Variants in KIF18A observed in about 807,000 individuals in gnomAD.
KIF18A encodes the protein kinesin family member 18A, also known as kinesin-like protein KIF18A.
KIF18A carries 67 observed loss-of-function variants against 103.3 expected under a neutral mutation model. That is an observed-to-expected ratio of 0.65 (90% confidence interval 0.53 to 0.79). The LOEUF is 0.79. Ranked by LOEUF, KIF18A falls within the 30% of genes least tolerant of loss-of-function variation. The pLI, the probability that KIF18A is intolerant of heterozygous loss-of-function variation, is 0.00. For synonymous variants in KIF18A, 367 were observed against 355.5 expected (o/e 1.03, Z -0.36); for missense variants, 1,032 against 1,062.5 (o/e 0.97, Z 0.40).
Position 28,084,816 on chromosome 11 carries a change from C to G in KIF18A, c.898-8G>C. 1.2e-6 allele frequency: 2 copies of G among 1,600,870 alleles called. No homozygotes were observed. The highest frequency in any genetic ancestry group is 1.7e-6 in the Non-Finnish European group (2 of 1,172,940). On this transcript the variant is annotated splice_region_variant and splice_polypyrimidine_tract_variant and intron_variant, in intron 6 of 16. Coordinates refer to ENST00000263181, the MANE Select transcript of KIF18A (RefSeq NM_031217.4). ...GATATGCTGATTCTTTCTCTGAAAGCACAAAAAAGAGATCTTATGTCATTT... is the reference window on the plus strand; with the variant it reads ...GATATGCTGATTCTTTCTCTGAAAGGACAAAAAAGAGATCTTATGTCATTT...
chr11:28,055,638 A>AT (rs1850771029), intron 13 of KIF18A, among the ~76,000 whole-genome samples: 1 of 152,152 alleles, frequency 6.6e-6, no homozygotes, highest in Admixed American at 6.5e-5. Context: ...TTAGTATCAA[A>AT]TTACCTCAGT....
intron 3 of KIF18A, 68 bp from the exon 4 acceptor site, chr11:28,091,581 A>G (rs1851305639): frequency 2.7e-6 from 2 of 729,328 alleles, no homozygotes; most frequent in South Asian, 3.6e-5. Flanking sequence ...TCACACATAC[A>G]CTGCTAATTT....
In KIF18A at chr11:28,036,345, A is replaced by G. The variant is rs755269391; in HGVS notation, c.2268T>C (p.Asn756=). The change falls in exon 14 of 17, where the codon AAT becomes AAC. Residue 756 remains asparagine, a synonymous_variant. Coordinates refer to ENST00000263181, the MANE Select transcript of KIF18A (RefSeq NM_031217.4). ...CCTCCTGTCCACATTCTTTTCTTCT[A>G]TTATGAGGGATAGCTACTTCACACA... The part of the protein sequence containing the change: ...KMLCEVAIPH[N]RRKECGQEDL... The G allele has an allele frequency of 2.5e-6, 4 of 1,611,002 alleles. No homozygotes were observed. The highest frequency in any genetic ancestry group is 1.7e-4 in the Middle Eastern group (1 of 6,042).
At chr11:28,025,663 G>A (rs1850309082) in intron 15 of KIF18A, among the ~76,000 whole-genome samples, 1 of 152,006 alleles carries the variant, frequency 6.6e-6, no homozygotes, top group East Asian at 1.9e-4. Context: ...TAGTTAAATA[G>A]TCCACTGATG....
At chr11:28,057,209 A>G (rs192492799) in intron 13 of KIF18A, among the ~76,000 whole-genome samples, 104 of 152,202 alleles carry the variant, frequency 6.8e-4, no homozygotes, top group African/African-American at 2.3e-3. Flanking sequence ...ATAATCTGAG[A>G]GTTACACATT....
chr11:28,060,551 A>G (rs1850844512), intron 12 of KIF18A, among the ~76,000 whole-genome samples: 1 of 152,036 alleles, frequency 6.6e-6, no homozygotes, highest in Admixed American at 6.5e-5. Flanking sequence ...TTACTTATTT[A>G]GCATCTACAC....
intron 13 of KIF18A, among the ~76,000 whole-genome samples, chr11:28,040,014 A>T (rs914059870): frequency 1.3e-5 from 2 of 151,786 alleles, no homozygotes; most frequent in Non-Finnish European, 2.9e-5. Flanking sequence ...CAGAGCAAAA[A>T]CAAAATTTAA....
chr11:28,100,913 A>C (rs560853248), intron 1 of KIF18A, among the ~76,000 whole-genome samples: 4 of 152,228 alleles, frequency 2.6e-5, no homozygotes, highest in Non-Finnish European at 5.9e-5. Context: ...CAAGTTACTT[A>C]ACCCCATGAG....
chr11:28,029,500 C>G (rs557673205), intron 15 of KIF18A, among the ~76,000 whole-genome samples: 1 of 152,226 alleles, frequency 6.6e-6, no homozygotes, highest in Admixed American at 6.5e-5. Context: ...TAAAAACTCT[C>G]AATAAATTAG....
chr11:28,075,828 T>G (rs548585843), intron 10 of KIF18A, among the ~76,000 whole-genome samples: 1 of 152,314 alleles, frequency 6.6e-6, no homozygotes, highest in African/African-American at 2.4e-5. Flanking sequence ...GGTTTGATAA[T>G]GTGCATTGTA....
At chr11:28,063,601 A>G (rs1850882171) in intron 11 of KIF18A, among the ~76,000 whole-genome samples, 1 of 152,048 alleles carries the variant, frequency 6.6e-6, no homozygotes, top group Non-Finnish European at 1.5e-5. Context: ...TCTACAGAAT[A>G]TATCAGCGAA....
In KIF18A at chr11:28,036,327, T is replaced by G; in HGVS notation, c.2286A>C (p.Gly762=). 6.2e-7 allele frequency: 1 copy of G among 1,610,732 alleles called. No homozygotes were observed. Among genetic ancestry groups the G allele is most frequent in the Non-Finnish European group, 8.5e-7 (1 of 1,177,736 alleles). The change falls in exon 14 of 17, where the codon GGA becomes GGC. Residue 762 remains glycine, a synonymous_variant. Transcript: ENST00000263181. ...TAAATGTAGAGTCCAAGTCCTCCTGTCCACATTCTTTTCTTCTATTATGAG... is the reference window on the plus strand; with the variant it reads ...TAAATGTAGAGTCCAAGTCCTCCTGGCCACATTCTTTTCTTCTATTATGAG... The part of the protein sequence containing the change: ...AIPHNRRKEC[G]QEDLDSTFTI...
At chr11:28,047,322 A>C (rs1191904294) in intron 13 of KIF18A, among the ~76,000 whole-genome samples, 1 of 152,100 alleles carries the variant, frequency 6.6e-6, no homozygotes, top group Non-Finnish European at 1.5e-5. Flanking sequence ...AATGTTTCCT[A>C]ATAGCAAAAA....
rs563407833 is a variant in KIF18A at position 28,081,188 on chromosome 11, C to A, written c.1262+1668G>T. Among the ~76,000 whole-genome samples, 11 of 152,300 alleles carry A rather than the reference C, an allele frequency of 7.2e-5. No individual in the cohort carries two copies. The East Asian group carries it at 1.2e-3, about 16-fold the overall frequency. ...GAAGCAGCAAGTGCTGATGTAGAAGCTGCAGCAAGTTATCGAGAAAATTTA... is the reference window on the plus strand; with the variant it reads ...GAAGCAGCAAGTGCTGATGTAGAAGATGCAGCAAGTTATCGAGAAAATTTA... On this transcript the variant is annotated intron_variant, in intron 9 of 16. Transcript: ENST00000263181.
chr11:28,035,178 T>C (rs1276893742), intron 15 of KIF18A, among the ~76,000 whole-genome samples: 1 of 151,606 alleles, frequency 6.6e-6, no homozygotes, highest in Non-Finnish European at 1.5e-5. Flanking sequence ...ATATGAAATA[T>C]TTTATAAAAT....
chr11:28,096,710 T>G (rs939020582), intron 2 of KIF18A, among the ~76,000 whole-genome samples: 5 of 152,084 alleles, frequency 3.3e-5, no homozygotes, highest in Non-Finnish European at 7.4e-5. Flanking sequence ...ATGATAAAAC[T>G]GAAATGAATC....
intron 9 of KIF18A, among the ~76,000 whole-genome samples, chr11:28,079,146 G>C (rs1174982561): frequency 6.6e-6 from 1 of 151,986 alleles, no homozygotes; most frequent in Non-Finnish European, 1.5e-5. Flanking sequence ...CAGAAAGAAA[G>C]GTTCAATTAT....
intron 12 of KIF18A, among the ~76,000 whole-genome samples, chr11:28,061,537 T>C (rs1850856311): frequency 6.6e-6 from 1 of 152,132 alleles, no homozygotes; most frequent in Non-Finnish European, 1.5e-5. Context: ...TGTAAGTGGT[T>C]TGAGTGTTAG....
At chr11:28,059,194 A>C (rs766107397) in intron 12 of KIF18A, 33 bp from the exon 13 acceptor site, 3 of 1,406,028 alleles carry the variant, frequency 2.1e-6, no homozygotes, top group Non-Finnish European at 3.0e-6. Flanking sequence ...AAGGAGAGAT[A>C]AATATGACAT....
Sources: allele counts gnomAD v4.1 joint callset (sites outside exome capture counted in the v4.1 genomes callset), GRCh38; gene constraint gnomAD v4.1.1; transcripts MANE v1.5; gene names NCBI Gene and HGNC (gene_info 2026-07-23, HGNC 2026-07-21).